CELF2: variants seen among roughly 807,000 people sequenced by gnomAD.
CELF2 encodes the protein CUGBP Elav-like family member 2.
Under a neutral mutation model 62.6 loss-of-function variants are expected in CELF2, and 8 were observed. The observed-to-expected ratio is 0.13, with a 90% CI of 0.07 to 0.23. CELF2 has a LOEUF of 0.23. CELF2 is among the 10% of genes least tolerant of loss of function. The pLI, the probability that CELF2 is intolerant of heterozygous loss-of-function variation, is 1.00. For synonymous variants in CELF2, 258 were observed against 250.0 expected, an observed-to-expected ratio of 1.03 and a Z score of -0.30; for missense variants, 333 against 671.0, an observed-to-expected ratio of 0.50 and a Z score of 5.56.
chr10:10,639,233 A>G, the CELF2 span, among the ~76,000 whole-genome samples: 5 of 152,242 alleles, frequency 3.3e-5, no homozygotes, highest in South Asian at 2.1e-4. Flanking sequence ...TGTCTTGAGT[A>G]TTTTTAATAG....
chr10:10,614,020 G>A, the CELF2 span, among the ~76,000 whole-genome samples: 6,591 of 152,156 alleles, frequency 0.043, 407 homozygotes, highest in African/African-American at 0.14. Context: ...AGAATAAAGA[G>A]GTTGAGTCAG....
chr10:11,059,603 A>C (rs1161813520), intron 1 of CELF2, among the ~76,000 whole-genome samples: 1 of 152,208 alleles, frequency 6.6e-6, no homozygotes, highest in Non-Finnish European at 1.5e-5. Flanking sequence ...TTGAAGGAGA[A>C]GGCTTGGAGT....
Position 11,306,838 on chromosome 10 carries a change from G to A in CELF2, c.977-7301G>A, listed in dbSNP as rs2094252194. 6.6e-6 allele frequency among the ~76,000 whole-genome samples: 1 copy of A among 152,178 alleles called. No homozygotes were observed. The highest frequency in any genetic ancestry group is 2.1e-4 in the South Asian group (1 of 4,826). On this transcript the variant is annotated intron_variant, in intron 9 of 12. Transcript: ENST00000633077. This position sits in a 1 kb window ranked among gnomAD's most constrained non-coding sequence, Gnocchi z 4.4. ...AATTATGTCCAGTTCACTATAGCCAGCCTCCCAGTTTTTAAATAGGAAGCC... is the reference window on the plus strand; with the variant it reads ...AATTATGTCCAGTTCACTATAGCCAACCTCCCAGTTTTTAAATAGGAAGCC...
intron 1 of CELF2, among the ~76,000 whole-genome samples, chr10:10,847,087 A>G (rs189487622): frequency 1.5e-3 from 223 of 152,222 alleles, no homozygotes; most frequent in Admixed American, 3.8e-3. Context: ...TAAGTTAAAC[A>G]GTAGCTTAAT....
chr10:10,479,101 T>TG, the CELF2 span, among the ~76,000 whole-genome samples: 1 of 152,190 alleles, frequency 6.6e-6, no homozygotes, highest in African/African-American at 2.4e-5. Flanking sequence ...CTGAGATAGA[T>TG]GGAGAATAAA....
At chr10:10,939,603 T>C (rs2046820921) in intron 2 of CELF2, among the ~76,000 whole-genome samples, 1 of 151,970 alleles carries the variant, frequency 6.6e-6, no homozygotes, top group African/African-American at 2.4e-5. Context: ...AGCAAATTCT[T>C]AATAAGTGTT....
the CELF2 span, among the ~76,000 whole-genome samples, chr10:10,643,813 A>C: frequency 6.6e-6 from 1 of 152,144 alleles, no homozygotes; most frequent in Non-Finnish European, 1.5e-5. Context: ...GGCTCTGAAA[A>C]TTTTAAATTG....
chr10:10,829,469 G>A (rs1376566932), intron 1 of CELF2, among the ~76,000 whole-genome samples: 3 of 152,270 alleles, frequency 2.0e-5, no homozygotes, highest in East Asian at 1.9e-4. Flanking sequence ...AGACTTCAGA[G>A]AAGGGTCTTT....
At chr10:11,045,031 T>C (rs1456266413) in intron 1 of CELF2, among the ~76,000 whole-genome samples, 1 of 152,224 alleles carries the variant, frequency 6.6e-6, no homozygotes, top group Non-Finnish European at 1.5e-5. Flanking sequence ...AAGGCTGATA[T>C]TAACTTTGGT....
At chr10:10,535,641 C>T in the CELF2 span, among the ~76,000 whole-genome samples, 3 of 152,114 alleles carry the variant, frequency 2.0e-5, no homozygotes, top group Non-Finnish European at 2.9e-5. Context: ...ATCGCTTGAA[C>T]CCTGGAGGCG....
chr10:11,073,043 C>A (rs192212017), intron 1 of CELF2, among the ~76,000 whole-genome samples: 7 of 151,892 alleles, frequency 4.6e-5, no homozygotes, highest in African/African-American at 1.7e-4. Flanking sequence ...ATACAAGTTA[C>A]ATATTTTAGA....
the CELF2 span, among the ~76,000 whole-genome samples, chr10:10,674,071 T>C: frequency 6.6e-6 from 1 of 152,328 alleles, no homozygotes; most frequent in African/African-American, 2.4e-5. Context: ...ATTCAGCTTG[T>C]CCTTACTGAT....
chr10:10,632,673 C>T, the CELF2 span, among the ~76,000 whole-genome samples: 1 of 152,010 alleles, frequency 6.6e-6, no homozygotes, highest in Non-Finnish European at 1.5e-5. Context: ...TCGGTGTTCG[C>T]TAGTCTTTCT....
At chr10:10,677,279 C>T in the CELF2 span, among the ~76,000 whole-genome samples, 1 of 152,298 alleles carries the variant, frequency 6.6e-6, no homozygotes, top group South Asian at 2.1e-4. Context: ...GAGCCTTTGG[C>T]TACACCCTTT....
At chr10:10,706,626 C>T in the CELF2 span, among the ~76,000 whole-genome samples, 175 of 152,268 alleles carry the variant, frequency 1.1e-3, 2 homozygotes, top group East Asian at 0.03. Context: ...CCCTGTAAAA[C>T]GGACAGCAAG....
intron 2 of CELF2, among the ~76,000 whole-genome samples, chr10:10,984,522 C>G (rs1250105228): frequency 2.0e-5 from 3 of 152,160 alleles, no homozygotes; most frequent in Non-Finnish European, 4.4e-5. Context: ...TTCCTAATAG[C>G]TCCTTGTCTA....
chr10:10,794,340 G>A (rs182019050), upstream of CELF2, among the ~76,000 whole-genome samples: 4 of 151,900 alleles, frequency 2.6e-5, no homozygotes, highest in African/African-American at 7.3e-5. Flanking sequence ...GGCAAGAGCC[G>A]GCAAAAATAA....
intron 1 of CELF2, among the ~76,000 whole-genome samples, chr10:10,833,714 C>G (rs906773392): frequency 3.9e-5 from 6 of 152,094 alleles, no homozygotes; most frequent in Non-Finnish European, 7.4e-5. Context: ...GAAAAAAAAG[C>G]TCAGCATCAC....
intron 3 of CELF2, among the ~76,000 whole-genome samples, chr10:11,235,933 C>T (rs994157660): frequency 6.6e-6 from 1 of 152,232 alleles, no homozygotes; most frequent in African/African-American, 2.4e-5. Context: ...CAGTACAACT[C>T]CCAAAGGCCA....
Sources: allele counts gnomAD v4.1 joint callset (sites outside exome capture counted in the v4.1 genomes callset), GRCh38; gene constraint gnomAD v4.1.1; non-coding constraint Gnocchi (gnomAD v3.1); transcripts MANE v1.5; gene names NCBI Gene and HGNC (gene_info 2026-07-23, HGNC 2026-07-21).